DRC4: variants seen among roughly 807,000 people sequenced by gnomAD.
DRC4 encodes the protein dynein regulatory complex subunit 4.
the DRC4 span, among the ~76,000 whole-genome samples, chr16:90,028,173 A>ATTTTTTTTTTTTTT: frequency 1.0e-3 from 65 of 63,848 alleles, 19 homozygotes; most frequent in African/African-American, 2.6e-3. Flanking sequence ...TTAATCGTTC[A>ATTTTTTTTTTTTTT]TTTTTTTTTT....
At chr16:90,033,931 G>A in the DRC4 span, among the ~76,000 whole-genome samples, 1 of 147,092 alleles carries the variant, frequency 6.8e-6, no homozygotes, top group Non-Finnish European at 1.5e-5. Context: ...AGCTCAGAGT[G>A]ACCAGGAGGA....
the DRC4 span, chr16:90,037,193 C>T: frequency 6.4e-7 from 1 of 1,552,908 alleles, no homozygotes; most frequent in South Asian, 1.2e-5. Flanking sequence ...TTTGGTTCTG[C>T]CTGCTGAGCC....
chr16:90,028,351 AT>A, the DRC4 span, among the ~76,000 whole-genome samples: 2,271 of 145,886 alleles, frequency 0.016, 21 homozygotes, highest in Non-Finnish European at 0.024. Flanking sequence ...CGCCTGGCTA[AT>A]TTTTTTTTTG....
chr16:90,042,472 T>A, the DRC4 span: 2 of 1,613,830 alleles, frequency 1.2e-6, no homozygotes, highest in East Asian at 2.2e-5. Flanking sequence ...CTCCTCAGGA[T>A]GTTCTTGAGT....
At chr16:90,025,422 T>C in the DRC4 span, among the ~76,000 whole-genome samples, 136,826 of 150,554 alleles carry the variant, frequency 0.91, 62,272 homozygotes, top group East Asian at 1. Context: ...GAGGCTTAGG[T>C]GGGCAGATCA....
the DRC4 span, chr16:90,031,168 A>G: frequency 6.6e-7 from 1 of 1,519,100 alleles, no homozygotes; most frequent in South Asian, 1.2e-5. Flanking sequence ...TTAACTTTTT[A>G]CATTTAGCTG....
At chr16:90,022,514 CATTT>C in the DRC4 span, 1 of 488,004 alleles carries the variant, frequency 2.0e-6, no homozygotes, top group Non-Finnish European at 3.5e-6. Context: ...CTGCCGGCGA[CATTT>C]TCCCAACGTT....
At chr16:90,031,429 A>C in the DRC4 span, 27 of 1,611,708 alleles carry the variant, frequency 1.7e-5, no homozygotes, top group Admixed American at 4.5e-4. Context: ...GAGGAGAAGA[A>C]GGCTGAGCTG....
At chr16:90,041,344 G>C in the DRC4 span, among the ~76,000 whole-genome samples, 1 of 152,224 alleles carries the variant, frequency 6.6e-6, no homozygotes, top group African/African-American at 2.4e-5. Flanking sequence ...GGCCAGGTGT[G>C]AGGGGGCTGC....
At chr16:90,026,354 C>T in the DRC4 span, among the ~76,000 whole-genome samples, 12 of 152,246 alleles carry the variant, frequency 7.9e-5, no homozygotes, top group Admixed American at 4.6e-4. Flanking sequence ...CCACGCACGA[C>T]GCCATGTGCA....
At chr16:90,033,741 C>A in the DRC4 span, among the ~76,000 whole-genome samples, 1 of 152,084 alleles carries the variant, frequency 6.6e-6, no homozygotes, top group Non-Finnish European at 1.5e-5. Flanking sequence ...GCCTGCCCGA[C>A]TGGGGCTGTT....
chr16:90,039,360 T>C, the DRC4 span, among the ~76,000 whole-genome samples: 3 of 9,662 alleles, frequency 3.1e-4, no homozygotes, highest in Non-Finnish European at 6.0e-4. Context: ...CCAAGGCAGT[T>C]ATTTATTTAT....
the DRC4 span, chr16:90,042,274 G>C: frequency 3.1e-6 from 2 of 635,046 alleles, no homozygotes; most frequent in Non-Finnish European, 5.8e-6. Context: ...CAAGCTCCCA[G>C]TTCTCTGCTT....
At chr16:90,022,921 T>A in the DRC4 span, among the ~76,000 whole-genome samples, 1 of 152,068 alleles carries the variant, frequency 6.6e-6, no homozygotes, top group African/African-American at 2.4e-5. Flanking sequence ...CTGGCAGCAC[T>A]CGGGACTGAG....
chr16:90,035,878 A>C, the DRC4 span: 11 of 1,474,066 alleles, frequency 7.5e-6, no homozygotes, highest in South Asian at 1.4e-4. Context: ...ACCTATTTCC[A>C]TGTGAGTTTG....
At chr16:90,044,293 G>A in the DRC4 span, 24 of 431,694 alleles carry the variant, frequency 5.6e-5, no homozygotes, top group South Asian at 3.8e-4. Context: ...GCCTGACCCT[G>A]GGCAGGTGAG....
the DRC4 span, among the ~76,000 whole-genome samples, chr16:90,038,998 C>A: frequency 9.6e-4 from 147 of 152,346 alleles, no homozygotes; most frequent in African/African-American, 3.3e-3. Flanking sequence ...GTGGGATTCG[C>A]TTCTCAGAAA....
At chr16:90,029,360 C>G in the DRC4 span, 1 of 1,291,218 alleles carries the variant, frequency 7.7e-7, no homozygotes, top group Non-Finnish European at 1.0e-6. Context: ...CTGGGGAGTG[C>G]CTTGTGGGCC....
the DRC4 span, chr16:90,043,728 C>G: frequency 6.2e-6 from 3 of 482,302 alleles, no homozygotes; most frequent in Non-Finnish European, 1.3e-5. Context: ...TTTGCAGGTG[C>G]TGGCACTAAC....
Sources: gnomAD v4.1 joint callset for allele counts (sites outside exome capture counted in the v4.1 genomes callset) on GRCh38, gnomAD v4.1.1 for gene constraint, MANE v1.5 for transcripts, NCBI Gene and HGNC (gene_info 2026-07-23, HGNC 2026-07-21) for gene names.